Variants in CPPED1 observed in about 807,000 individuals in gnomAD.
The protein encoded by CPPED1 is serine/threonine-protein phosphatase CPPED1.
CPPED1 carries 28 observed loss-of-function variants against 28.0 expected under a neutral mutation model. That is an observed-to-expected ratio of 1.00 (90% confidence interval 0.74 to 1.37). CPPED1 has a LOEUF of 1.37. Ranked by LOEUF, CPPED1 falls within the 40% of genes most tolerant of loss-of-function variation. The pLI is 0.00. For synonymous variants in CPPED1, 198 were observed against 180.2 expected, an observed-to-expected ratio of 1.10 and a Z score of -0.79; for missense variants, 504 against 416.5, an observed-to-expected ratio of 1.21 and a Z score of -1.83.
At chr16:12,795,436 C>A (rs1482271398) in intron 1 of CPPED1, among the ~76,000 whole-genome samples, 2 of 152,124 alleles carry the variant, frequency 1.3e-5, no homozygotes, top group Non-Finnish European at 1.5e-5. Flanking sequence ...GCCTCCCAGG[C>A]GCATGCAGTT....
chr16:12,724,578 ATCCCTTCCCT>A (rs2080159482), intron 2 of CPPED1, among the ~76,000 whole-genome samples: 4 of 152,082 alleles, frequency 2.6e-5, no homozygotes, highest in Admixed American at 1.3e-4. Flanking sequence ...ACCTTACATC[ATCCCTTCCCT>A]GGTGCTGTAG....
At chr16:12,723,562 C>A (rs2080153568) in intron 2 of CPPED1, among the ~76,000 whole-genome samples, 2 of 152,154 alleles carry the variant, frequency 1.3e-5, no homozygotes, top group Non-Finnish European at 2.9e-5. Flanking sequence ...GGAGAGAGGC[C>A]TCGGAAGGAA....
At chr16:12,674,495 G>A (rs2079868361) in intron 3 of CPPED1, among the ~76,000 whole-genome samples, 2 of 152,154 alleles carry the variant, frequency 1.3e-5, no homozygotes, top group South Asian at 2.1e-4. Context: ...TTCTGAACCC[G>A]AAATATTTCT....
intron 2 of CPPED1, among the ~76,000 whole-genome samples, chr16:12,724,838 G>A (rs1567287241): frequency 6.6e-6 from 1 of 152,100 alleles, no homozygotes; most frequent in Non-Finnish European, 1.5e-5. Flanking sequence ...CCAGACTAGA[G>A]TGCAGTGGCG....
At chr16:12,793,784 A>T (rs78988400) in intron 1 of CPPED1, among the ~76,000 whole-genome samples, 12,727 of 152,206 alleles carry the variant, frequency 0.084, 605 homozygotes, top group East Asian at 0.14. Flanking sequence ...AAAACATCTG[A>T]TGAGAGACAC....
chr16:12,699,619 T>G (rs945839225), intron 3 of CPPED1, among the ~76,000 whole-genome samples: 1 of 152,198 alleles, frequency 6.6e-6, no homozygotes, highest in Non-Finnish European at 1.5e-5. Context: ...GGGTTTTACC[T>G]CCACGGTGGT....
At chr16:12,780,897 T>C (rs981405324) in intron 2 of CPPED1, 9 of 405,548 alleles carry the variant, frequency 2.2e-5, no homozygotes, top group African/African-American at 1.4e-4. Flanking sequence ...AGTTTGTCCC[T>C]GGAAATGCAG....
At chr16:12,672,741 C>T (rs900755174) in intron 3 of CPPED1, among the ~76,000 whole-genome samples, 3 of 152,124 alleles carry the variant, frequency 2.0e-5, no homozygotes, top group Non-Finnish European at 4.4e-5. Flanking sequence ...ACGAATTAAT[C>T]GGGTGATTGG....
intron 2 of CPPED1, among the ~76,000 whole-genome samples, chr16:12,778,277 C>CTTTT (rs371883790): frequency 4.5e-4 from 52 of 116,132 alleles, no homozygotes; most frequent in Admixed American, 7.4e-4. Context: ...TTCTTTCTTT[C>CTTTT]TTTTTTTTTT....
In CPPED1 at chr16:12,735,414, T is replaced by C. The variant is rs111274446; in HGVS notation, c.290-30365A>G. ...TCAACTGATTCTCCCGCCTTAGCGT[T>C]CCGCCTCAGCCTCCTGAGTAGATGG... On this transcript the variant is annotated intron_variant, in intron 2 of 3. Coordinates refer to ENST00000381774, the MANE Select transcript of CPPED1 (RefSeq NM_018340.3). Among the ~76,000 whole-genome samples the C allele has an allele frequency of 6.7e-3, 1,019 of 152,334 alleles. 5 individuals are homozygous for C. The highest frequency in any genetic ancestry group is 0.034 in the Middle Eastern group (10 of 294).
At chr16:12,772,938 T>G (rs1433876393) in intron 2 of CPPED1, among the ~76,000 whole-genome samples, 4 of 152,228 alleles carry the variant, frequency 2.6e-5, no homozygotes, top group Non-Finnish European at 4.4e-5. Context: ...AATATTTTGT[T>G]AGCAAAACAT....
At chr16:12,727,160 G>C (rs2080174447) in intron 2 of CPPED1, among the ~76,000 whole-genome samples, 1 of 152,192 alleles carries the variant, frequency 6.6e-6, no homozygotes, top group Non-Finnish European at 1.5e-5. Flanking sequence ...AACCAAATGT[G>C]TGTCCAGTAT....
chr16:12,696,333 C>T (rs2079990040), intron 3 of CPPED1, among the ~76,000 whole-genome samples: 1 of 151,990 alleles, frequency 6.6e-6, no homozygotes, highest in Non-Finnish European at 1.5e-5. Flanking sequence ...GGATAAAGCA[C>T]ATTTGCCTGC....
chr16:12,729,883 T>C (rs1038455497), intron 2 of CPPED1, among the ~76,000 whole-genome samples: 1 of 152,176 alleles, frequency 6.6e-6, no homozygotes, highest in East Asian at 1.9e-4. Context: ...TCTTTTGAGA[T>C]GGGAGTCTCA....
chr16:12,749,787 A>T (rs996081824), intron 2 of CPPED1, among the ~76,000 whole-genome samples: 1 of 152,130 alleles, frequency 6.6e-6, no homozygotes, highest in African/African-American at 2.4e-5. Flanking sequence ...GGGGGATTTC[A>T]TCATGTTGAC....
At chr16:12,755,887 C>T (rs2080363440) in intron 2 of CPPED1, among the ~76,000 whole-genome samples, 1 of 152,118 alleles carries the variant, frequency 6.6e-6, no homozygotes, top group Non-Finnish European at 1.5e-5. Context: ...AAACCCAGCA[C>T]TTTGGGAGGT....
chr16:12,746,061 A>T (rs2080285222), intron 2 of CPPED1: 1 of 152,222 alleles, frequency 6.6e-6, no homozygotes, highest in Admixed American at 6.5e-5. Flanking sequence ...ATCAATACAA[A>T]ACAAAATTGT....
intron 2 of CPPED1, among the ~76,000 whole-genome samples, chr16:12,769,358 G>C (rs1038785148): frequency 1.3e-5 from 2 of 152,016 alleles, no homozygotes; most frequent in African/African-American, 2.4e-5. Context: ...ATATTATTCT[G>C]AGATGGGATC....
At chr16:12,755,464 T>A (rs1011274094) in intron 2 of CPPED1, among the ~76,000 whole-genome samples, 2 of 151,782 alleles carry the variant, frequency 1.3e-5, no homozygotes, top group African/African-American at 2.4e-5. Flanking sequence ...GTATTTTTTG[T>A]AGAGATGGGG....
Sources: gnomAD v4.1 joint callset for allele counts (sites outside exome capture counted in the v4.1 genomes callset) on GRCh38, gnomAD v4.1.1 for gene constraint, MANE v1.5 for transcripts, NCBI Gene and HGNC (gene_info 2026-07-23, HGNC 2026-07-21) for gene names.